The following RBBP4 variants were observed in gnomAD, a reference collection of about 807,000 sequenced individuals.
RBBP4 encodes histone-binding protein RBBP4.
Under a neutral mutation model 57.2 loss-of-function variants are expected in RBBP4, and 3 were observed. The observed-to-expected ratio is 0.05, with a 90% CI of 0.02 to 0.14. The LOEUF is 0.14. RBBP4 is among the 10% of genes least tolerant of loss of function. RBBP4 has a pLI of 1.00. For missense variants in RBBP4, 107 were observed against 520.6 expected, an observed-to-expected ratio of 0.21 and a Z score of 7.73; for synonymous variants, 151 against 171.5, an observed-to-expected ratio of 0.88 and a Z score of 0.93.
chr1:32,658,189 C>T (rs968402345), intron 3 of RBBP4, among the ~76,000 whole-genome samples: 11 of 152,010 alleles, frequency 7.2e-5, no homozygotes, highest in African/African-American at 2.7e-4. Flanking sequence ...AGATAACTAC[C>T]CCTAAGGAGG....
In RBBP4 at chr1:32,681,140, G is replaced by A. The variant is rs1017994263; in HGVS notation, c.*1435G>A. On this transcript the variant is annotated 3_prime_UTR_variant, in exon 12 of 12. Coordinates refer to ENST00000373493, the MANE Select transcript of RBBP4 (RefSeq NM_005610.3). ...TTTCCCAATCGCTTAGTTTTTTGTTGTTGTTGTTTTTTAACTGAGTAGATC... is the reference window on the plus strand; with the variant it reads ...TTTCCCAATCGCTTAGTTTTTTGTTATTGTTGTTTTTTAACTGAGTAGATC... 6.6e-6 allele frequency: 1 copy of A among 152,574 alleles called. No individual in the cohort carries two copies. The highest frequency in any genetic ancestry group is 2.4e-5 in the African/African-American group (1 of 41,430). 9.5% of individuals were successfully genotyped at this position (152,574 alleles called of 1,614,324 possible). A position where few individuals can be genotyped will look rare whatever the true frequency, so the allele number is the denominator to read the frequency against.
Position 32,678,380 on chromosome 1 carries a change from C to T in RBBP4, c.1213-1260C>T, listed in dbSNP as rs567502816. Among the ~76,000 whole-genome samples the T allele has an allele frequency of 2.0e-5, 3 of 151,988 alleles. No homozygotes were observed. The East Asian group carries it at 5.8e-4, about 29-fold the overall frequency. On this transcript the variant is annotated intron_variant, in intron 11 of 11. Transcript: ENST00000373493. ...TAGCTGGGATTACAGGCGCCTGTCA[C>T]CACGCCTGGCTAATTTTTATATTTT...
intron 3 of RBBP4, among the ~76,000 whole-genome samples, chr1:32,665,886 C>T (rs12144812): frequency 5.1e-4 from 78 of 152,216 alleles, no homozygotes; most frequent in Non-Finnish European, 9.6e-4. Flanking sequence ...CTTTTGCAAC[C>T]GTACCATGCT....
At position 32,651,228 on chromosome 1, in the gene RBBP4, G is replaced by C. The variant is rs1647556603; in HGVS notation, c.-79G>C. On this transcript the variant is annotated 5_prime_UTR_variant, in exon 1 of 12. Transcript: ENST00000373493. ...GCGCAGGAAACAATAGAGGCCGCGC[G>C]CACAGAGCGAGCTCTTGCAGCCTCC... 18 of 1,501,088 alleles carry C rather than the reference G, an allele frequency of 1.2e-5. No individual in the cohort carries two copies. The South Asian group carries it at 2.1e-4, about 17-fold the overall frequency. 93.0% of individuals were successfully genotyped at this position (1,501,088 alleles called of 1,614,324 possible). A position where few individuals can be genotyped will look rare whatever the true frequency, so the allele number is the denominator to read the frequency against.
chr1:32,681,102 A>G lies in RBBP4; in HGVS notation c.*1397A>G, dbSNP rs1184378213. On this transcript the variant is annotated 3_prime_UTR_variant, in exon 12 of 12. Coordinates refer to ENST00000373493, the MANE Select transcript of RBBP4 (RefSeq NM_005610.3). Reference sequence around the variant, plus strand: ...CTATCACCAGATGCAATAACCAGATAAAATTCCTGTTTTTTCCCAATCGCT... The same window carrying G: ...CTATCACCAGATGCAATAACCAGATGAAATTCCTGTTTTTTCCCAATCGCT... 1 of 152,772 alleles carries G rather than the reference A, an allele frequency of 6.5e-6. No homozygotes were observed. The highest frequency in any genetic ancestry group is 2.4e-5 in the African/African-American group (1 of 41,474). 9.5% of individuals were successfully genotyped at this position (152,772 alleles called of 1,614,324 possible).
chr1:32,684,448 A>T lies in RBBP4; in HGVS notation c.*4743A>T, dbSNP rs1009051403. ...ATAAAAACTCACATTGTCCACTCTTACTTATAAAACACTTTTTTGTTCATT... is the reference window on the plus strand; with the variant it reads ...ATAAAAACTCACATTGTCCACTCTTTCTTATAAAACACTTTTTTGTTCATT... On this transcript the variant is annotated 3_prime_UTR_variant, in exon 12 of 12. Coordinates refer to ENST00000373493, the MANE Select transcript of RBBP4 (RefSeq NM_005610.3). The T allele has an allele frequency of 1.2e-6, 2 of 1,604,408 alleles. No homozygotes were observed. Among genetic ancestry groups the T allele is most frequent in the South Asian group, 1.1e-5 (1 of 90,408 alleles).
chr1:32,662,211 A>T (rs1648454030), intron 3 of RBBP4: 1 of 334,908 alleles, frequency 3.0e-6, no homozygotes, highest in Non-Finnish European at 6.2e-6. Flanking sequence ...GTTTTGTTTT[A>T]TTTTTTTAAC....
At chr1:32,656,216 A>AT (rs1198313482) in intron 2 of RBBP4, among the ~76,000 whole-genome samples, 4 of 151,980 alleles carry the variant, frequency 2.6e-5, no homozygotes, top group Non-Finnish European at 5.9e-5. Flanking sequence ...TTGAGACAGG[A>AT]AGTAGTCTTT....
At chr1:32,676,929 C>T (rs772288969) in intron 11 of RBBP4, among the ~76,000 whole-genome samples, 9 of 151,804 alleles carry the variant, frequency 5.9e-5, no homozygotes, top group Non-Finnish European at 1.0e-4. Context: ...GGTGACAGAG[C>T]GAGACCCTGT....
intron 11 of RBBP4, among the ~76,000 whole-genome samples, chr1:32,675,577 G>A (rs1048853219): frequency 2.6e-5 from 4 of 151,394 alleles, no homozygotes; most frequent in Non-Finnish European, 5.9e-5. Context: ...AGACCATCCT[G>A]GCTAACATGG....
chr1:32,677,437 C>T (rs950298401), intron 11 of RBBP4, among the ~76,000 whole-genome samples: 9 of 151,304 alleles, frequency 5.9e-5, no homozygotes, highest in Admixed American at 1.3e-4. Context: ...GTATGCATCT[C>T]TTCCATGTGG....
In RBBP4 at chr1:32,685,342, C is replaced by T. The variant is rs183625739; in HGVS notation, c.*5637C>T. On this transcript the variant is annotated 3_prime_UTR_variant, in exon 12 of 12. Coordinates refer to ENST00000373493, the MANE Select transcript of RBBP4 (RefSeq NM_005610.3). ...AGGAATAAGGTAAGGAAGATGTCAGCAAGTCAGTCTCTGGTTTACCTGCTA... is the reference window on the plus strand; with the variant it reads ...AGGAATAAGGTAAGGAAGATGTCAGTAAGTCAGTCTCTGGTTTACCTGCTA... 1.8e-4 allele frequency: 27 copies of T among 152,250 alleles called. 1 individual carries two copies. Among genetic ancestry groups the T allele is most frequent in the Admixed American group, 1.4e-3 (21 of 15,280 alleles). The allele number at this position is 152,250 out of a possible 1,614,324, so 9.4% of individuals were successfully genotyped here. A position where few individuals can be genotyped will look rare whatever the true frequency, so the allele number is the denominator to read the frequency against.
chr1:32,664,487 CTG>C (rs951920805), intron 3 of RBBP4, among the ~76,000 whole-genome samples: 5 of 152,062 alleles, frequency 3.3e-5, no homozygotes, highest in African/African-American at 1.2e-4. Context: ...GAGTCTCACT[CTG>C]TCGCCCAGAC....
At chr1:32,677,764 A>G (rs1041815453) in intron 11 of RBBP4, among the ~76,000 whole-genome samples, 7 of 152,204 alleles carry the variant, frequency 4.6e-5, no homozygotes, top group South Asian at 4.1e-4. Flanking sequence ...TGGTGTTAGA[A>G]GTAACGTCAG....
intron 8 of RBBP4, among the ~76,000 whole-genome samples, chr1:32,670,460 A>G (rs1421345264): frequency 6.6e-6 from 1 of 152,224 alleles, no homozygotes; most frequent in African/African-American, 2.4e-5. Context: ...TGATTGCAAA[A>G]ATTAAAAAAA....
chr1:32,673,559 T>G (rs570813065), intron 11 of RBBP4: 14 of 383,238 alleles, frequency 3.7e-5, no homozygotes, highest in Middle Eastern at 9.0e-4. Flanking sequence ...TGCCTCAGCC[T>G]TCTGAGTAGC....
Position 32,683,441 on chromosome 1 carries a change from T to C in RBBP4, c.*3736T>C, listed in dbSNP as rs978108317. 1.3e-5 allele frequency: 2 copies of C among 152,070 alleles called. No homozygotes were observed. Among genetic ancestry groups the C allele is most frequent in the African/African-American group, 2.4e-5 (1 of 41,340 alleles). The allele number at this position is 152,070 out of a possible 1,614,324, so 9.4% of individuals were successfully genotyped here. The stretch of plus-strand genomic sequence containing the variant: ...AGGAAAACTGAGAATAGCAGGTGGG[T>C]AGGGTAGGATGAGGAAACAAGATGC... On this transcript the variant is annotated 3_prime_UTR_variant, in exon 12 of 12. Transcript: ENST00000373493.
At chr1:32,655,052 C>T (rs550319779) in intron 2 of RBBP4, among the ~76,000 whole-genome samples, 2 of 152,126 alleles carry the variant, frequency 1.3e-5, no homozygotes, top group African/African-American at 2.4e-5. Flanking sequence ...TGCAGTGGCA[C>T]GATCAGAGTT....
At chr1:32,666,900 C>T (rs936443584) in intron 3 of RBBP4, among the ~76,000 whole-genome samples, 4 of 152,066 alleles carry the variant, frequency 2.6e-5, no homozygotes, top group South Asian at 2.1e-4. Context: ...AAGGAATAAC[C>T]GGCAGGTATA....
Sources: allele counts gnomAD v4.1 joint callset (sites outside exome capture counted in the v4.1 genomes callset), GRCh38; gene constraint gnomAD v4.1.1; transcripts MANE v1.5; gene names NCBI Gene and HGNC (gene_info 2026-07-23, HGNC 2026-07-21).